Variants in PTPRN2 observed in about 807,000 individuals in gnomAD.
The protein encoded by PTPRN2 is receptor-type tyrosine-protein phosphatase N2.
PTPRN2 carries 74 observed loss-of-function variants against 118.8 expected under a neutral mutation model. The observed-to-expected ratio is 0.62, with a 90% CI of 0.52 to 0.76. The LOEUF (loss-of-function observed/expected upper bound fraction) is 0.76. Among genes scored for constraint, PTPRN2 ranks in the 30% least tolerant of loss-of-function variants. The pLI, the probability that PTPRN2 is intolerant of heterozygous loss-of-function variation, is 0.00. For missense variants in PTPRN2, 1,481 were observed against 1,394.4 expected (o/e 1.06, Z -0.99); for synonymous variants, 641 against 608.0 (o/e 1.05, Z -0.80).
In PTPRN2 at chr7:158,159,157, T is replaced by A. The variant is rs73745165; in HGVS notation, c.910+7774A>T. The stretch of plus-strand genomic sequence containing the variant: ...GTGCTTTCTGAATGAATGAGTGAAC[T>A]TGGGAGAATCAGGAGCCCGTGTGAT... On this transcript the variant is annotated intron_variant, in intron 6 of 22. Transcript: ENST00000389418. Among the ~76,000 whole-genome samples the A allele has an allele frequency of 6.9e-4, 46 of 66,362 alleles. 7 individuals carry two copies. The highest frequency in any genetic ancestry group is 2.8e-3 in the African/African-American group (26 of 9,214). The allele number at this position is 66,362 out of a possible 152,430, so 43.5% of individuals were successfully genotyped here.
At chr7:158,202,804 A>G (rs1301307818) in intron 4 of PTPRN2, among the ~76,000 whole-genome samples, 3 of 152,246 alleles carry the variant, frequency 2.0e-5, no homozygotes, top group Non-Finnish European at 4.4e-5. Context: ...GCTGATAAAA[A>G]TATTTTTACA....
chr7:158,089,750 ACCTTCTTCC>A (rs1813888834), intron 10 of PTPRN2, among the ~76,000 whole-genome samples: 1 of 141,028 alleles, frequency 7.1e-6, no homozygotes, highest in Non-Finnish European at 1.5e-5. Context: ...CTTCACACAA[ACCTTCTTCC>A]CCTGATGAAA....
intron 2 of PTPRN2, among the ~76,000 whole-genome samples, chr7:158,406,150 TGAGATCCCGCAG>T (rs1813411039): frequency 9.1e-6 from 1 of 110,452 alleles, no homozygotes; most frequent in African/African-American, 3.6e-5. Context: ...GGCCGCACAC[TGAGATCCCGCAG>T]TGGCTCATCC....
At chr7:157,777,264 T>G (rs766889529) in intron 12 of PTPRN2, among the ~76,000 whole-genome samples, 13 of 152,244 alleles carry the variant, frequency 8.5e-5, no homozygotes, top group Non-Finnish European at 1.8e-4. Context: ...CAAGTGGAAT[T>G]GGAAACACGC....
intron 5 of PTPRN2, among the ~76,000 whole-genome samples, chr7:158,169,669 A>G (rs1400436309): frequency 6.6e-6 from 1 of 152,030 alleles, no homozygotes; most frequent in Non-Finnish European, 1.5e-5. Flanking sequence ...TCTGTCAAAA[A>G]AGGAAATCGG....
chr7:158,524,599 G>C (rs1156859270), intron 1 of PTPRN2, among the ~76,000 whole-genome samples: 1 of 152,146 alleles, frequency 6.6e-6, no homozygotes, highest in Non-Finnish European at 1.5e-5. Context: ...GAGGAAAGCT[G>C]TTGGTTGTTA....
At chr7:157,968,486 G>A (rs765028209) in intron 11 of PTPRN2, among the ~76,000 whole-genome samples, 1 of 152,152 alleles carries the variant, frequency 6.6e-6, no homozygotes, top group African/African-American at 2.4e-5. Context: ...AGAGTTTCTG[G>A]GTCTCGGGGT....
At chr7:157,555,911 T>C (rs550618192) in intron 21 of PTPRN2, among the ~76,000 whole-genome samples, 1 of 152,308 alleles carries the variant, frequency 6.6e-6, no homozygotes, top group Non-Finnish European at 1.5e-5. Flanking sequence ...GCAGAGCTCC[T>C]CACTCACCCA....
chr7:157,603,892 C>A lies in PTPRN2; in HGVS notation c.2418+110G>T. On this transcript the variant is annotated intron_variant, in intron 16 of 22. Coordinates refer to ENST00000389418, the MANE Select transcript of PTPRN2 (RefSeq NM_002847.5). This position sits in a 1 kb window ranked among gnomAD's most constrained non-coding sequence, Gnocchi z 5.4. The stretch of plus-strand genomic sequence containing the variant: ...GAGTCGGCCCTGTCCACCGCAGAGA[C>A]GCTGAGCTGGGTGGGGACGTGATTT... 9.6e-7 allele frequency: 1 copy of A among 1,037,860 alleles called. No homozygotes were observed. Among genetic ancestry groups the A allele is most frequent in the Non-Finnish European group, 1.4e-6 (1 of 703,254 alleles). The allele number at this position is 1,037,860 out of a possible 1,614,324, so 64.3% of individuals were successfully genotyped here.
chr7:157,606,937 G>A (rs1157895261), intron 15 of PTPRN2, among the ~76,000 whole-genome samples: 1 of 152,106 alleles, frequency 6.6e-6, no homozygotes, highest in Non-Finnish European at 1.5e-5. Context: ...CCTCTTTCAG[G>A]GGTGACAAGA....
At chr7:157,630,494 C>G (rs1005779665) in intron 14 of PTPRN2, among the ~76,000 whole-genome samples, 5 of 152,204 alleles carry the variant, frequency 3.3e-5, no homozygotes, top group African/African-American at 1.2e-4. Flanking sequence ...CCATCCCGCT[C>G]CTCTAACACA....
intron 3 of PTPRN2, among the ~76,000 whole-genome samples, chr7:158,215,823 GA>G (rs984696062): frequency 6.6e-6 from 1 of 152,216 alleles, no homozygotes; most frequent in African/African-American, 2.4e-5. Flanking sequence ...GATATCCCCA[GA>G]AAAAGGAAAA....
chr7:158,234,077 T>G (rs1239540573), intron 3 of PTPRN2, among the ~76,000 whole-genome samples: 1 of 152,036 alleles, frequency 6.6e-6, no homozygotes, highest in Non-Finnish European at 1.5e-5. Context: ...ATTTTTTTGG[T>G]AAGGCCTCAA....
intron 5 of PTPRN2, among the ~76,000 whole-genome samples, chr7:158,187,502 G>C (rs1042015212): frequency 2.6e-5 from 4 of 152,130 alleles, no homozygotes; most frequent in Admixed American, 2.6e-4. Flanking sequence ...AAATCTGCAC[G>C]GCAGCGCTGC....
At chr7:157,699,889 C>G (rs1399902320) in intron 12 of PTPRN2, among the ~76,000 whole-genome samples, 1 of 152,182 alleles carries the variant, frequency 6.6e-6, no homozygotes, top group African/African-American at 2.4e-5. Flanking sequence ...GTGGGATGCA[C>G]GCTGGCATTC....
intron 2 of PTPRN2, among the ~76,000 whole-genome samples, chr7:158,318,048 T>G (rs1802489560): frequency 6.6e-6 from 1 of 152,044 alleles, no homozygotes. Flanking sequence ...TTTCCCTCCG[T>G]GCAGCCCGGC....
rs187704513 is a variant in PTPRN2 at position 158,531,777 on chromosome 7, C to G, written c.113-41992G>C. On this transcript the variant is annotated intron_variant, in intron 1 of 22. Transcript: ENST00000389418. ...CCAGGCTCGACGCCCTCACCCACCA[C>G]CTGCCCTCTGCTCATAGAAAGAACG... 4.7e-4 allele frequency among the ~76,000 whole-genome samples: 71 copies of G among 152,238 alleles called. 1 individual carries two copies. Among genetic ancestry groups the G allele is most frequent in the African/African-American group, 1.7e-3 (69 of 41,484 alleles).
At chr7:158,094,689 G>A (rs1814484545) in intron 10 of PTPRN2, among the ~76,000 whole-genome samples, 1 of 152,168 alleles carries the variant, frequency 6.6e-6, no homozygotes, top group South Asian at 2.1e-4. Context: ...TGAATTATTA[G>A]TGACTAACAT....
At chr7:158,041,998 C>T (rs1378801576) in intron 11 of PTPRN2, among the ~76,000 whole-genome samples, 1 of 152,200 alleles carries the variant, frequency 6.6e-6, no homozygotes, top group Admixed American at 6.5e-5. Context: ...AATGTACCTG[C>T]TTTAAGCCTC....
Sources: allele counts gnomAD v4.1 joint callset (sites outside exome capture counted in the v4.1 genomes callset), GRCh38; gene constraint gnomAD v4.1.1; non-coding constraint Gnocchi (gnomAD v3.1); transcripts MANE v1.5; gene names NCBI Gene and HGNC (gene_info 2026-07-23, HGNC 2026-07-21).